Variants in RTN1 observed in about 807,000 individuals in gnomAD.
RTN1 encodes the protein reticulon 1.
A neutral mutation model predicts 65.5 loss-of-function variants in RTN1; 25 were observed. That is an observed-to-expected ratio of 0.38 (90% CI 0.28 to 0.53). The LOEUF (loss-of-function observed/expected upper bound fraction) is 0.53. RTN1 is among the 20% of genes least tolerant of loss of function. The pLI is 0.79. For synonymous variants in RTN1, 471 were observed against 447.6 expected (o/e 1.05, Z -0.66); for missense variants, 983 against 1,025.4 (o/e 0.96, Z 0.57).
At chr14:59,673,630 G>A (rs60012045) in intron 3 of RTN1, among the ~76,000 whole-genome samples, 1,915 of 152,242 alleles carry the variant, frequency 0.013, 37 homozygotes, top group African/African-American at 0.043. Flanking sequence ...ATGCTGATTG[G>A]TCCATGGGTG....
At chr14:59,694,162 T>C (rs1884016039) in intron 3 of RTN1, among the ~76,000 whole-genome samples, 1 of 152,228 alleles carries the variant, frequency 6.6e-6, no homozygotes, top group Non-Finnish European at 1.5e-5. Context: ...ATCACTCAGC[T>C]CTTATTCCCC....
chr14:59,744,802 C>T (rs926486958), intron 2 of RTN1, among the ~76,000 whole-genome samples: 1 of 152,116 alleles, frequency 6.6e-6, no homozygotes, highest in East Asian at 1.9e-4. Context: ...ATGTTAAATG[C>T]CCCGGCCAAG....
intron 3 of RTN1, among the ~76,000 whole-genome samples, chr14:59,618,990 C>T (rs1472086936): frequency 6.6e-6 from 1 of 152,134 alleles, no homozygotes; most frequent in Non-Finnish European, 1.5e-5. Context: ...GCCAACACAT[C>T]TTGTACTGTT....
At chr14:59,744,407 T>C (rs1885174645) in intron 2 of RTN1, among the ~76,000 whole-genome samples, 1 of 151,986 alleles carries the variant, frequency 6.6e-6, no homozygotes, top group Non-Finnish European at 1.5e-5. Flanking sequence ...TGGCACAGGG[T>C]GGGGTGAGGA....
At chr14:59,704,809 AC>A (rs1884256624) in intron 3 of RTN1, among the ~76,000 whole-genome samples, 1 of 152,098 alleles carries the variant, frequency 6.6e-6, no homozygotes, top group Non-Finnish European at 1.5e-5. Flanking sequence ...CAGGAAGAAA[AC>A]CCACCTCTCC....
At chr14:59,749,102 C>A (rs1238218356) in intron 1 of RTN1, among the ~76,000 whole-genome samples, 20 of 74,138 alleles carry the variant, frequency 2.7e-4, no homozygotes, top group East Asian at 6.5e-4. Context: ...ATATATATAT[C>A]TATATATATA....
chr14:59,655,598 G>T (rs930470521), intron 3 of RTN1, among the ~76,000 whole-genome samples: 1 of 152,180 alleles, frequency 6.6e-6, no homozygotes, highest in South Asian at 2.1e-4. Flanking sequence ...ATCAAGACAG[G>T]GTGGTGGTAG....
chr14:59,764,350 C>G (rs974757403), intron 1 of RTN1, among the ~76,000 whole-genome samples: 2 of 148,956 alleles, frequency 1.3e-5, no homozygotes, highest in Admixed American at 1.3e-4. Context: ...GATGGAGTTT[C>G]GCTCTTGTTG....
chr14:59,758,071 C>T (rs988598537), intron 1 of RTN1, among the ~76,000 whole-genome samples: 1 of 152,158 alleles, frequency 6.6e-6, no homozygotes, highest in African/African-American at 2.4e-5. Flanking sequence ...CCAGTAACCA[C>T]CGATCCTTTT....
intron 3 of RTN1, among the ~76,000 whole-genome samples, chr14:59,687,539 G>A (rs1005212894): frequency 1.3e-5 from 2 of 151,910 alleles, no homozygotes; most frequent in African/African-American, 4.8e-5. Context: ...TGGTACAGCA[G>A]GCGTCTCTCC....
At chr14:59,602,896 T>C (rs983154389) in intron 8 of RTN1, among the ~76,000 whole-genome samples, 169 bp downstream of exon 8, 3 of 152,182 alleles carry the variant, frequency 2.0e-5, no homozygotes, top group African/African-American at 4.8e-5. Flanking sequence ...AACTTATGCT[T>C]ATTTTCTAAA....
At chr14:59,728,201 G>C (rs932036067) in intron 2 of RTN1, among the ~76,000 whole-genome samples, 5 of 150,574 alleles carry the variant, frequency 3.3e-5, no homozygotes, top group Admixed American at 3.3e-4. Context: ...TTTGAGCCTT[G>C]GACACAACTT....
At chr14:59,770,213 A>T (rs1429318686) in intron 1 of RTN1, among the ~76,000 whole-genome samples, 1 of 151,852 alleles carries the variant, frequency 6.6e-6, no homozygotes, top group Non-Finnish European at 1.5e-5. Flanking sequence ...CCCCGTATCT[A>T]CTAAAAATAC....
At chr14:59,793,982 A>G (rs1886397449) in intron 1 of RTN1, among the ~76,000 whole-genome samples, 1 of 152,030 alleles carries the variant, frequency 6.6e-6, no homozygotes. Flanking sequence ...AGTAGTGAAC[A>G]TTGTCTGGAT....
chr14:59,721,721 T>G (rs1433537343), intron 3 of RTN1, among the ~76,000 whole-genome samples: 2 of 152,218 alleles, frequency 1.3e-5, no homozygotes, highest in African/African-American at 4.8e-5. Flanking sequence ...ATTTTTATTT[T>G]GATATTAATT....
At chr14:59,631,748 G>T (rs1882559704) in intron 3 of RTN1, among the ~76,000 whole-genome samples, 1 of 152,210 alleles carries the variant, frequency 6.6e-6, no homozygotes, top group Non-Finnish European at 1.5e-5. Context: ...AGGTACTGTT[G>T]GAAGGGGTCC....
In RTN1 at chr14:59,689,669, A is replaced by G. The variant is rs555250471; in HGVS notation, c.1765+37250T>C. On this transcript the variant is annotated intron_variant, in intron 3 of 8. Coordinates refer to ENST00000267484, the MANE Select transcript of RTN1 (RefSeq NM_021136.3). ...AGCCTATTTTTAGCATTCTTAGAGA[A>G]AAGAAATTCCAACCAAGAACTTCAT... is the stretch of plus-strand genomic sequence containing the variant. Among the ~76,000 whole-genome samples the G allele has an allele frequency of 1.2e-3, 185 of 152,314 alleles. 3 individuals are homozygous for G. The highest frequency in any genetic ancestry group is 1.5e-4 in the Non-Finnish European group (10 of 68,022).
chr14:59,616,725 T>G (rs1299721855), intron 3 of RTN1, among the ~76,000 whole-genome samples: 1 of 152,216 alleles, frequency 6.6e-6, no homozygotes, highest in African/African-American at 2.4e-5. Flanking sequence ...TTGTCTTGCT[T>G]TGGTCCTTTT....
intron 1 of RTN1, among the ~76,000 whole-genome samples, chr14:59,749,258 A>C (rs867786958): frequency 3.1e-4 from 24 of 77,106 alleles, no homozygotes; most frequent in Admixed American, 5.2e-4. Flanking sequence ...CTATATATCT[A>C]TATATATCTA....
Sources: allele counts gnomAD v4.1 joint callset (sites outside exome capture counted in the v4.1 genomes callset), GRCh38; gene constraint gnomAD v4.1.1; transcripts MANE v1.5; gene names NCBI Gene and HGNC (gene_info 2026-07-23, HGNC 2026-07-21).